Variants in GRIA4 observed in about 807,000 individuals in gnomAD.
GRIA4 encodes glutamate ionotropic receptor AMPA type subunit 4, also known as glutamate receptor 4.
A neutral mutation model predicts 104.0 loss-of-function variants in GRIA4; 34 were observed. The observed-to-expected ratio is 0.33, with a 90% confidence interval of 0.25 to 0.44. The LOEUF (loss-of-function observed/expected upper bound fraction) is 0.44. GRIA4 is among the 20% of genes least tolerant of loss of function. The pLI is 1.00. For synonymous variants in GRIA4, 386 were observed against 381.9 expected, an observed-to-expected ratio of 1.01 and a Z score of -0.13; for missense variants, 750 against 1,096.5, an observed-to-expected ratio of 0.68 and a Z score of 4.46.
intron 3 of GRIA4, chr11:105,707,890 G>C (rs1169433255): frequency 6.5e-6 from 1 of 152,752 alleles, no homozygotes; most frequent in African/African-American, 2.4e-5. Flanking sequence ...CCCTGGAATG[G>C]GAGGAATGGG....
chr11:105,629,837 G>A (rs767384086), intron 3 of GRIA4, among the ~76,000 whole-genome samples: 8 of 152,022 alleles, frequency 5.3e-5, no homozygotes, highest in Non-Finnish European at 1.0e-4. Flanking sequence ...GATCTCTTTG[G>A]TTACATACTT....
intron 3 of GRIA4, among the ~76,000 whole-genome samples, chr11:105,648,838 G>A (rs116758895): frequency 0.013 from 1,991 of 152,200 alleles, 42 homozygotes; most frequent in East Asian, 0.047. Context: ...TTTAATGACC[G>A]AAACCAGTCA....
chr11:105,661,490 GAA>G (rs1952008391), intron 3 of GRIA4, among the ~76,000 whole-genome samples: 1 of 151,514 alleles, frequency 6.6e-6, no homozygotes, highest in Non-Finnish European at 1.5e-5. Flanking sequence ...GAGATAAGTA[GAA>G]AAATGTGAAG....
At chr11:105,767,689 A>G (rs1352517770) in intron 4 of GRIA4, among the ~76,000 whole-genome samples, 1 of 152,188 alleles carries the variant, frequency 6.6e-6, no homozygotes, top group African/African-American at 2.4e-5. Flanking sequence ...TGTGAAATAC[A>G]GCTCTAAAAG....
chr11:105,870,495 A>C (rs2509479), intron 5 of GRIA4, among the ~76,000 whole-genome samples: 2 of 152,010 alleles, frequency 1.3e-5, no homozygotes, highest in Admixed American at 6.6e-5. Context: ...CTCTGAATGC[A>C]AAGAAAAACA....
chr11:105,687,621 G>A (rs934869882), intron 3 of GRIA4, among the ~76,000 whole-genome samples: 1 of 152,158 alleles, frequency 6.6e-6, no homozygotes, highest in Admixed American at 6.5e-5. Flanking sequence ...GAGAATGACA[G>A]TGCTGTCTAT....
chr11:105,892,483 T>C (rs539153), intron 6 of GRIA4, among the ~76,000 whole-genome samples: 29,689 of 152,110 alleles, frequency 0.2, 3,003 homozygotes, highest in Admixed American at 0.25. Context: ...CACACACATA[T>C]ACCACTCACG....
Position 105,971,963 on chromosome 11 carries a change from GACAAGCTGAAAA to G in GRIA4, c.2349_2360del (p.Leu784_Lys787del). ...GAAACTCAGTGAGGCAGGCGTCTTAGACAAGCTGAAAAACAAATGGTGGTACGATAAAGGTGA... is the reference window on the plus strand; with the variant it reads ...GAAACTCAGTGAGGCAGGCGTCTTAGACAAATGGTGGTACGATAAAGGTGA... On this transcript the variant is annotated inframe_deletion, in exon 15 of 17. Coordinates refer to ENST00000282499, the MANE Select transcript of GRIA4 (RefSeq NM_000829.4). The G allele has an allele frequency of 6.2e-7, 1 of 1,613,010 alleles. No individual in the cohort carries two copies. The highest frequency in any genetic ancestry group is 8.5e-7 in the Non-Finnish European group (1 of 1,179,236).
At chr11:105,768,298 A>G (rs775031510) in intron 4 of GRIA4, among the ~76,000 whole-genome samples, 8 of 152,120 alleles carry the variant, frequency 5.3e-5, no homozygotes, top group African/African-American at 1.7e-4. Context: ...AAACAAAGCT[A>G]TCTTCTAAAA....
At chr11:105,926,390 C>T (rs1947705551) in intron 12 of GRIA4, among the ~76,000 whole-genome samples, 1 of 152,118 alleles carries the variant, frequency 6.6e-6, no homozygotes, top group Non-Finnish European at 1.5e-5. Context: ...AGGCTGCATC[C>T]TAATTTCAGA....
At chr11:105,722,815 A>G (rs1053874654) in intron 3 of GRIA4, among the ~76,000 whole-genome samples, 10 of 152,106 alleles carry the variant, frequency 6.6e-5, no homozygotes, top group Non-Finnish European at 8.8e-5. Flanking sequence ...AAAAATTTAG[A>G]TAAATATTTA....
chr11:105,941,558 AT>A (rs776863380), intron 14 of GRIA4, among the ~76,000 whole-genome samples: 9 of 151,572 alleles, frequency 5.9e-5, no homozygotes, highest in African/African-American at 1.5e-4. Flanking sequence ...GCTTTCTTTA[AT>A]TTTTTTTTAA....
intron 14 of GRIA4, among the ~76,000 whole-genome samples, chr11:105,964,251 A>G (rs1181925551): frequency 1.3e-5 from 2 of 152,208 alleles, no homozygotes; most frequent in East Asian, 3.9e-4. Context: ...GAAATGTAGG[A>G]GTAGCTAATT....
chr11:105,894,767 C>T (rs1414535081), intron 6 of GRIA4, among the ~76,000 whole-genome samples: 8 of 151,766 alleles, frequency 5.3e-5, no homozygotes, highest in Non-Finnish European at 7.4e-5. Flanking sequence ...ACTTCTTACT[C>T]TAACTGCAGG....
intron 3 of GRIA4, among the ~76,000 whole-genome samples, chr11:105,674,285 A>G (rs1453707488): frequency 6.6e-6 from 1 of 151,946 alleles, no homozygotes; most frequent in East Asian, 1.9e-4. Context: ...GAATTTTAGC[A>G]ATGGTTGATT....
intron 4 of GRIA4, among the ~76,000 whole-genome samples, chr11:105,809,983 A>G (rs1358490889): frequency 6.6e-6 from 1 of 151,942 alleles, no homozygotes; most frequent in Non-Finnish European, 1.5e-5. Flanking sequence ...CCATATATAA[A>G]TTTTTAAAGC....
At chr11:105,738,830 A>G (rs1939120451) in intron 3 of GRIA4, among the ~76,000 whole-genome samples, 1 of 151,908 alleles carries the variant, frequency 6.6e-6, no homozygotes, top group African/African-American at 2.4e-5. Context: ...TAAAGGTAAA[A>G]ATATATTCTA....
intron 7 of GRIA4, among the ~76,000 whole-genome samples, chr11:105,900,559 ATCTTTTC>A (rs1946816934): frequency 6.6e-6 from 1 of 152,002 alleles, no homozygotes; most frequent in South Asian, 2.1e-4. Context: ...TCTCTATGAA[ATCTTTTC>A]TTTTTTCTTT....
intron 14 of GRIA4, among the ~76,000 whole-genome samples, chr11:105,959,465 T>C (rs1948679305): frequency 6.6e-6 from 1 of 152,364 alleles, no homozygotes; most frequent in Middle Eastern, 3.4e-3. Flanking sequence ...GTCTTTTATG[T>C]TCCTCTCTAA....
Sources: allele counts gnomAD v4.1 joint callset (sites outside exome capture counted in the v4.1 genomes callset), GRCh38; gene constraint gnomAD v4.1.1; transcripts MANE v1.5; gene names NCBI Gene and HGNC (gene_info 2026-07-23, HGNC 2026-07-21).